CASP6: variants seen among roughly 807,000 people sequenced by gnomAD.
CASP6 encodes the protein caspase 6.
Under a neutral mutation model 31.8 loss-of-function variants are expected in CASP6, and 20 were observed. The observed-to-expected ratio is 0.63, with a 90% CI of 0.44 to 0.91. The LOEUF is 0.91. CASP6 is among the 40% of genes least tolerant of loss of function. The pLI is 0.00. For missense variants in CASP6, 328 were observed against 361.1 expected (o/e 0.91, Z 0.74); for synonymous variants, 130 against 127.8 (o/e 1.02, Z -0.12).
chr4:109,695,704 G>A (rs1007403951), intron 4 of CASP6, among the ~76,000 whole-genome samples: 1 of 147,566 alleles, frequency 6.8e-6, no homozygotes, highest in East Asian at 2.0e-4. Context: ...TCACACCACT[G>A]CACTCCAGCC....
At chr4:109,665,038 C>G in the CASP6 span, among the ~76,000 whole-genome samples, 1 of 152,156 alleles carries the variant, frequency 6.6e-6, no homozygotes, top group African/African-American at 2.4e-5. Context: ...CTGCACCCCA[C>G]GCCCCTTATT....
At chr4:109,673,521 A>G in the CASP6 span, among the ~76,000 whole-genome samples, 1 of 152,352 alleles carries the variant, frequency 6.6e-6, no homozygotes, top group African/African-American at 2.4e-5. Context: ...AGACTTGCCA[A>G]GTCTCACAGT....
intron 4 of CASP6, among the ~76,000 whole-genome samples, chr4:109,695,598 A>C (rs1222665057): frequency 6.6e-6 from 1 of 152,238 alleles, no homozygotes; most frequent in Non-Finnish European, 1.5e-5. Context: ...TCTACTAAAA[A>C]TACAAAAATT....
chr4:109,679,824 CAG>C, the CASP6 span, among the ~76,000 whole-genome samples: 7 of 148,632 alleles, frequency 4.7e-5, no homozygotes, highest in East Asian at 1.9e-4. Context: ...GTTTTTGAGA[CAG>C]AGTCTCTCTG....
intron 5 of CASP6, chr4:109,692,652 G>C (rs1043781946): frequency 2.0e-5 from 3 of 151,988 alleles, no homozygotes; most frequent in Non-Finnish European, 4.4e-5. Flanking sequence ...TTTGTTTTAT[G>C]CTCCTTTTTC....
chr4:109,706,166 TATATAC>T (rs1730613289), upstream of CASP6, among the ~76,000 whole-genome samples: 15 of 91,994 alleles, frequency 1.6e-4, no homozygotes, highest in Middle Eastern at 5.3e-3. Context: ...TATATATATA[TATATAC>T]ACACACACAT....
At chr4:109,702,820 C>T (rs938845846) in intron 1 of CASP6, 4 of 153,148 alleles carry the variant, frequency 2.6e-5, no homozygotes, top group African/African-American at 9.6e-5. Flanking sequence ...GTGCTGGCCG[C>T]CAGGAACTGG....
At chr4:109,665,376 TC>T in the CASP6 span, among the ~76,000 whole-genome samples, 1 of 152,208 alleles carries the variant, frequency 6.6e-6, no homozygotes, top group African/African-American at 2.4e-5. Context: ...CTTGCTTATA[TC>T]AATTAGCCTA....
chr4:109,700,766 C>T (rs1730398087), intron 1 of CASP6, among the ~76,000 whole-genome samples: 1 of 152,142 alleles, frequency 6.6e-6, no homozygotes, highest in South Asian at 2.1e-4. Flanking sequence ...CTCTAGCAAA[C>T]ACTGAATCAG....
chr4:109,684,488 C>G (rs1729790287), downstream of CASP6: 3 of 1,613,748 alleles, frequency 1.9e-6, no homozygotes, highest in Non-Finnish European at 2.5e-6. Context: ...AACCAGTGGA[C>G]TCCTGTGGGC....
upstream of CASP6, among the ~76,000 whole-genome samples, chr4:109,706,015 TATATATATATATATATA>T (rs1312256294): frequency 2.9e-5 from 3 of 103,424 alleles, no homozygotes; most frequent in African/African-American, 1.1e-4. Flanking sequence ...TATATATATA[TATATATATATATATATA>T]ATATATATAA....
At position 109,699,401 on chromosome 4, in the gene CASP6, TCTC is replaced by T. The variant is rs1016702153; in HGVS notation, c.41-1062_41-1060del. On this transcript the variant is annotated intron_variant, in intron 1 of 6. Coordinates refer to ENST00000265164, the MANE Select transcript of CASP6 (RefSeq NM_001226.4). ...ATCACCTGATTGATCTAACCTCACT[TCTC>T]CTCAAAAAAAATACAAGGTGGGGAA... 4.0e-5 allele frequency among the ~76,000 whole-genome samples: 6 copies of T among 151,730 alleles called. No individual in the cohort carries two copies. In the East Asian group the frequency reaches 5.8e-4, roughly 15 times the overall value.
upstream of CASP6, among the ~76,000 whole-genome samples, chr4:109,704,957 G>A (rs187216171): frequency 2.3e-3 from 348 of 152,166 alleles, no homozygotes; most frequent in African/African-American, 8.1e-3. Flanking sequence ...TGCCCGCCTC[G>A]GTCTCCCAAA....
chr4:109,694,565 C>T lies in CASP6; in HGVS notation c.443G>A (p.Cys148Tyr). The T allele has an allele frequency of 1.2e-6, 2 of 1,609,366 alleles. No individual in the cohort carries two copies. The highest frequency in any genetic ancestry group is 1.7e-6 in the Non-Finnish European group (2 of 1,178,116). ...CTTGGGTTTTCCAACCAGGCTGTGA[C>T]ACTTGTCTCCTTTGAACAAGCCAGT... is the stretch of plus-strand genomic sequence containing the variant. ...TLTGLFKGDK[C>Y]HSLVGKPKIF... is the part of the protein sequence containing the mutation. The change falls in exon 5 of 7, where the codon TGT becomes TAT. Residue 148 changes from cysteine to tyrosine, a missense_variant. By Grantham distance (194) the Cys-to-Tyr change is radical (BLOSUM62 -2). Coordinates refer to ENST00000265164, the MANE Select transcript of CASP6 (RefSeq NM_001226.4).
chr4:109,687,499 CT>C (rs1729875359), downstream of CASP6: 1 of 1,591,302 alleles, frequency 6.3e-7, no homozygotes, highest in South Asian at 1.1e-5. Flanking sequence ...CATGCTTTTT[CT>C]TTTTCCCATG....
the CASP6 span, chr4:109,673,825 A>T: frequency 1.4e-6 from 1 of 722,398 alleles, no homozygotes; most frequent in South Asian, 1.6e-5. Flanking sequence ...CTCTAGGGAG[A>T]TTCTTCAAGC....
the CASP6 span, among the ~76,000 whole-genome samples, chr4:109,682,327 T>C: frequency 6.6e-6 from 1 of 151,478 alleles, no homozygotes; most frequent in Admixed American, 6.6e-5. Flanking sequence ...TTGGTGACTT[T>C]TTTTTTTTTT....
chr4:109,682,419 T>A, the CASP6 span, among the ~76,000 whole-genome samples: 4 of 152,218 alleles, frequency 2.6e-5, no homozygotes, highest in Non-Finnish European at 4.4e-5. Flanking sequence ...CTTGAACTGC[T>A]TTTCAAATGT....
the CASP6 span, chr4:109,674,153 C>T: frequency 8.9e-7 from 1 of 1,128,568 alleles, no homozygotes; most frequent in Admixed American, 1.7e-5. Flanking sequence ...GTTGGAGGAG[C>T]TTGCTTTAGT....
Sources: allele counts gnomAD v4.1 joint callset (sites outside exome capture counted in the v4.1 genomes callset), GRCh38; gene constraint gnomAD v4.1.1; transcripts MANE v1.5; gene names NCBI Gene and HGNC (gene_info 2026-07-23, HGNC 2026-07-21).